The following MTSS1 variants were observed in gnomAD, a reference collection of about 807,000 sequenced individuals.
MTSS1 encodes protein MTSS 1.
MTSS1 carries 18 observed loss-of-function variants against 79.0 expected under a neutral mutation model. That is an observed-to-expected ratio of 0.23 (90% CI 0.16 to 0.34). The LOEUF (loss-of-function observed/expected upper bound fraction) is 0.34, where lower values mean the gene tolerates loss of function less well. Ranked by LOEUF, MTSS1 falls within the 10% of genes least tolerant of loss-of-function variation. MTSS1 has a pLI of 1.00. For missense variants in MTSS1, 815 were observed against 986.2 expected (o/e 0.83, Z 2.33); for synonymous variants, 341 against 368.6 (o/e 0.93, Z 0.86).
chr8:124,555,806 G>A lies in MTSS1; in HGVS notation c.1503C>T (p.Cys501=). 1.9e-6 allele frequency: 3 copies of A among 1,613,596 alleles called. No individual in the cohort carries two copies. The highest frequency in any genetic ancestry group is 1.3e-5 in the African/African-American group (1 of 75,048). The change falls in exon 13 of 14, where the codon TGC becomes TGT. Residue 501 remains cysteine, a synonymous_variant. Transcript: ENST00000518547. ...TQRSSRDSLQ[C]SSGYSTQTTT... is the part of the protein sequence containing the mutation. ...TTGTCTGGGTGCTGTAGCCGCTGGA[G>A]CACTGAAGCGAGTCCCGGCTGCTCC...
intron 3 of MTSS1, among the ~76,000 whole-genome samples, chr8:124,675,421 G>A (rs1563978861): frequency 6.6e-6 from 1 of 152,222 alleles, no homozygotes; most frequent in Admixed American, 6.5e-5. Context: ...CATCCAGGCT[G>A]ACAGGTCCTG....
intron 3 of MTSS1, among the ~76,000 whole-genome samples, chr8:124,600,214 G>A (rs1039182303): frequency 6.6e-6 from 1 of 151,884 alleles, no homozygotes; most frequent in African/African-American, 2.4e-5. Flanking sequence ...TTTTACAGTT[G>A]CCTCATCCAT....
intron 10 of MTSS1, chr8:124,558,921 T>A (rs1824638874): frequency 2.8e-6 from 4 of 1,438,940 alleles, no homozygotes; most frequent in Middle Eastern, 2.0e-4. Flanking sequence ...GGAATGGGGA[T>A]GGGAGTGGGG....
chr8:124,679,389 A>C (rs1021574231), intron 3 of MTSS1, among the ~76,000 whole-genome samples: 7 of 152,156 alleles, frequency 4.6e-5, no homozygotes, highest in Non-Finnish European at 1.0e-4. Context: ...CTATACTTAG[A>C]CTCAACTTGG....
chr8:124,618,731 A>G (rs1192867602), intron 3 of MTSS1, among the ~76,000 whole-genome samples: 4 of 152,214 alleles, frequency 2.6e-5, no homozygotes, highest in Non-Finnish European at 5.9e-5. Context: ...CTGTCTGCTC[A>G]TCCACAGTAC....
chr8:124,593,388 C>T (rs961163434), intron 3 of MTSS1, among the ~76,000 whole-genome samples: 59 of 152,290 alleles, frequency 3.9e-4, no homozygotes, highest in African/African-American at 1.4e-3. Flanking sequence ...TTTTCTTTGA[C>T]CCAGCAATTC....
chr8:124,642,009 A>G (rs1003721555), intron 3 of MTSS1, among the ~76,000 whole-genome samples: 2 of 152,210 alleles, frequency 1.3e-5, no homozygotes, highest in African/African-American at 4.8e-5. Flanking sequence ...AAATCCAGCA[A>G]AAAGATAAAT....
At chr8:124,707,030 C>T (rs748594923) in intron 1 of MTSS1, among the ~76,000 whole-genome samples, 3 of 150,698 alleles carry the variant, frequency 2.0e-5, no homozygotes, top group Non-Finnish European at 3.0e-5. Flanking sequence ...CAGCTTCGTC[C>T]GACCATTCCT....
At chr8:124,611,443 C>G (rs1458719091) in intron 3 of MTSS1, among the ~76,000 whole-genome samples, 1 of 152,206 alleles carries the variant, frequency 6.6e-6, no homozygotes, top group Non-Finnish European at 1.5e-5. Flanking sequence ...CGACCTCCAG[C>G]TGTCAGCTGG....
chr8:124,617,382 T>C (rs1837074968), intron 3 of MTSS1, among the ~76,000 whole-genome samples: 1 of 152,178 alleles, frequency 6.6e-6, no homozygotes. Context: ...CCCAAAGGCC[T>C]CTGACTCCTT....
rs762076139 is a variant in MTSS1, at chr8:124,555,856, G to A, written c.1453C>T (p.Arg485Trp). 24 of 1,612,308 alleles carry A rather than the reference G, an allele frequency of 1.5e-5. No individual in the cohort carries two copies. The highest frequency in any genetic ancestry group is 2.2e-5 in the East Asian group (1 of 44,892). Residue 485 changes from arginine (R) to tryptophan (W), a missense_variant, in exon 13 of 14, where the codon CGG becomes TGG. This residue lies in a region of MTSS1 where 590 missense variants were observed against 620.8 expected (regional missense o/e 0.95). Coordinates refer to ENST00000518547, the MANE Select transcript of MTSS1 (RefSeq NM_014751.6). Reference sequence around the variant, plus strand: ...CTCTGGGTGTCCAGCTGCAGGCCCCGAGACAGGGCCAGGGCCAGCTCCTCA... The same window carrying A: ...CTCTGGGTGTCCAGCTGCAGGCCCCAAGACAGGGCCAGGGCCAGCTCCTCA... ...ACEELALALS[R>W]GLQLDTQRSS...
chr8:124,681,788 G>A (rs145563094), intron 3 of MTSS1, among the ~76,000 whole-genome samples: 1 of 152,246 alleles, frequency 6.6e-6, no homozygotes, highest in East Asian at 1.9e-4. Flanking sequence ...AAAAAATGCC[G>A]TCTCAACAAA....
intron 3 of MTSS1, among the ~76,000 whole-genome samples, chr8:124,648,709 G>GC (rs565378341): frequency 0.017 from 2,537 of 147,866 alleles, 82 homozygotes; most frequent in African/African-American, 0.056. Flanking sequence ...CCAAATAGCA[G>GC]CCCCCCCCCA....
intron 3 of MTSS1, among the ~76,000 whole-genome samples, chr8:124,612,538 G>A (rs1836003887): frequency 6.7e-6 from 1 of 148,732 alleles, no homozygotes; most frequent in South Asian, 2.2e-4. Context: ...CTTGTCTTAA[G>A]CAGGAAAAAC....
At position 124,624,592 on chromosome 8, in the gene MTSS1, G is replaced by T. The variant is rs570511825; in HGVS notation, c.209-33357C>A. The stretch of plus-strand genomic sequence containing the variant: ...ACTTGAAGCCCAGGTACCTCCACCT[G>T]GGAGTCCCACCAACAAATAATAGGG... On this transcript the variant is annotated intron_variant, in intron 3 of 13. Transcript: ENST00000518547. 4.3e-3 allele frequency among the ~76,000 whole-genome samples: 655 copies of T among 152,302 alleles called. 6 individuals are homozygous for T. The highest frequency in any genetic ancestry group is 0.015 in the African/African-American group (632 of 41,560).
chr8:124,592,565 C>A (rs1047716197), intron 3 of MTSS1, among the ~76,000 whole-genome samples: 1 of 152,170 alleles, frequency 6.6e-6, no homozygotes, highest in Admixed American at 6.5e-5. Flanking sequence ...TAGAAATCCC[C>A]ATTTACTATT....
chr8:124,664,080 G>T (rs1028354749), intron 3 of MTSS1, among the ~76,000 whole-genome samples: 2 of 152,212 alleles, frequency 1.3e-5, no homozygotes, highest in African/African-American at 4.8e-5. Context: ...AGCAGGTGAG[G>T]TCCAGGTGGG....
Position 124,720,065 on chromosome 8 carries a change from T to C in MTSS1, c.72+7819A>G, listed in dbSNP as rs535813659. Among the ~76,000 whole-genome samples the C allele has an allele frequency of 8.5e-5, 13 of 152,280 alleles. No individual in the cohort carries two copies. The South Asian group carries it at 1.7e-3, about 19-fold the overall frequency. On this transcript the variant is annotated intron_variant, in intron 1 of 13. Transcript: ENST00000518547. The stretch of plus-strand genomic sequence containing the variant: ...GTCACAAAGAATGTGAAAAATGGCT[T>C]TAGGGTTATCGAGCTTTGAGGGAAA...
At chr8:124,588,701 T>C (rs748603034) in intron 5 of MTSS1, among the ~76,000 whole-genome samples, 3 of 152,218 alleles carry the variant, frequency 2.0e-5, no homozygotes, top group Non-Finnish European at 1.5e-5. Context: ...AAACCTGCCA[T>C]GATGATTTTC....
Sources: gnomAD v4.1 joint callset for allele counts (sites outside exome capture counted in the v4.1 genomes callset) on GRCh38, gnomAD v4.1.1 for gene constraint, gnomAD v4.1.1 regional missense constraint, MANE v1.5 for transcripts, NCBI Gene and HGNC (gene_info 2026-07-23, HGNC 2026-07-21) for gene names.